CASD1: variants seen among roughly 807,000 people sequenced by gnomAD.
CASD1 encodes CAS1 domain sialic acid O acetyltransferase 1.
CASD1 carries 41 observed loss-of-function variants against 100.0 expected under a neutral mutation model. That is an observed-to-expected ratio of 0.41 (90% CI 0.32 to 0.53). The LOEUF (loss-of-function observed/expected upper bound fraction) is 0.53, where lower values mean the gene tolerates loss of function less well. CASD1 is among the 20% of genes least tolerant of loss of function. CASD1 has a pLI of 0.25. For missense variants in CASD1, 774 were observed against 948.7 expected (o/e 0.82, Z 2.42); for synonymous variants, 321 against 315.6 (o/e 1.02, Z -0.18).
chr7:94,559,276 C>CTGTGTGTG (rs377655712), downstream of CASD1, among the ~76,000 whole-genome samples: 18,236 of 137,336 alleles, frequency 0.13, 1,440 homozygotes, highest in East Asian at 0.33. Context: ...GTATATATGT[C>CTGTGTGTG]TGTGTGTGTG....
At chr7:94,563,134 A>G in the CASD1 span, among the ~76,000 whole-genome samples, 1 of 152,160 alleles carries the variant, frequency 6.6e-6, no homozygotes, top group Admixed American at 6.5e-5. Context: ...ATGTATGACA[A>G]AGTGAGTAGT....
At chr7:94,599,623 A>T in the CASD1 span, 1 of 1,114,202 alleles carries the variant, frequency 9.0e-7, no homozygotes. Flanking sequence ...CTTGACACAC[A>T]TGTATGGAGC....
chr7:94,551,816 A>G (rs906708080), intron 15 of CASD1: 1 of 154,276 alleles, frequency 6.5e-6, no homozygotes. Flanking sequence ...ATAATTTTTT[A>G]AAATTGTTTG....
At chr7:94,588,850 G>A in the CASD1 span, 1 of 1,071,856 alleles carries the variant, frequency 9.3e-7, no homozygotes, top group East Asian at 2.5e-5. Flanking sequence ...ATGTAATCCA[G>A]CACAATTCCC....
At chr7:94,530,548 G>A (rs971224542) in intron 5 of CASD1, among the ~76,000 whole-genome samples, 1 of 152,074 alleles carries the variant, frequency 6.6e-6, no homozygotes, top group African/African-American at 2.4e-5. Context: ...TTGAATTGAG[G>A]GTAGTGGAGA....
At chr7:94,623,811 G>T in the CASD1 span, 1 of 370,518 alleles carries the variant, frequency 2.7e-6, no homozygotes, top group Non-Finnish European at 4.8e-6. Flanking sequence ...TTTAAAACAA[G>T]CATATCTTTG....
At chr7:94,579,911 T>C in the CASD1 span, among the ~76,000 whole-genome samples, 1 of 152,236 alleles carries the variant, frequency 6.6e-6, no homozygotes, top group Non-Finnish European at 1.5e-5. Context: ...TCTCATCCAC[T>C]ATTGTCTATC....
the CASD1 span, among the ~76,000 whole-genome samples, chr7:94,606,104 C>T: frequency 1.3e-5 from 2 of 152,184 alleles, no homozygotes; most frequent in Non-Finnish European, 2.9e-5. Context: ...GCTGGGATTA[C>T]AGGCGTGAGC....
At chr7:94,567,714 G>A in the CASD1 span, among the ~76,000 whole-genome samples, 3 of 152,034 alleles carry the variant, frequency 2.0e-5, no homozygotes, top group Non-Finnish European at 4.4e-5. Context: ...TTATTTCCTT[G>A]TTATGTATGT....
At chr7:94,592,838 A>G in the CASD1 span, among the ~76,000 whole-genome samples, 1 of 152,182 alleles carries the variant, frequency 6.6e-6, no homozygotes, top group Non-Finnish European at 1.5e-5. Flanking sequence ...AAAGCCACAG[A>G]ATCCATGCCA....
At chr7:94,521,662 C>G (rs1327998621) in intron 3 of CASD1, among the ~76,000 whole-genome samples, 2 of 152,118 alleles carry the variant, frequency 1.3e-5, no homozygotes, top group Non-Finnish European at 2.9e-5. Flanking sequence ...TATACACATG[C>G]ATGTACCATA....
chr7:94,518,494 AAAG>A (rs1794086421), intron 3 of CASD1, among the ~76,000 whole-genome samples, 171 bp downstream of exon 3: 1 of 152,164 alleles, frequency 6.6e-6, no homozygotes, highest in African/African-American at 2.4e-5. Flanking sequence ...AAGATGACAA[AAAG>A]AAGTGGTGGC....
the CASD1 span, chr7:94,587,665 A>G: frequency 8.0e-6 from 12 of 1,507,362 alleles, no homozygotes; most frequent in African/African-American, 1.3e-4. Flanking sequence ...TATATTGAAC[A>G]GTCTTGTTGA....
the CASD1 span, among the ~76,000 whole-genome samples, chr7:94,569,340 G>A: frequency 5.1e-4 from 77 of 152,078 alleles, no homozygotes; most frequent in African/African-American, 1.6e-3. Flanking sequence ...TTGATGATGT[G>A]GTAACCATGC....
chr7:94,601,470 A>AAAAAAAAC, the CASD1 span, among the ~76,000 whole-genome samples: 1 of 130,092 alleles, frequency 7.7e-6, no homozygotes, highest in African/African-American at 2.7e-5. Context: ...AAAAAAAAAA[A>AAAAAAAAC]AAAAAACTAC....
At chr7:94,630,377 C>A in the CASD1 span, among the ~76,000 whole-genome samples, 1 of 151,638 alleles carries the variant, frequency 6.6e-6, no homozygotes, top group Non-Finnish European at 1.5e-5. Flanking sequence ...TATAAAAATG[C>A]ATTGGATACT....
chr7:94,580,917 A>G, the CASD1 span, among the ~76,000 whole-genome samples: 1 of 152,220 alleles, frequency 6.6e-6, no homozygotes, highest in Admixed American at 6.5e-5. Flanking sequence ...CATTGTCAAG[A>G]GCCCTCTCCA....
chr7:94,598,743 A>G, the CASD1 span: 1 of 1,402,868 alleles, frequency 7.1e-7, no homozygotes, highest in Non-Finnish European at 1.0e-6. Flanking sequence ...ATACATGCAT[A>G]TTAATAATTA....
At chr7:94,536,797 G>A (rs1015521625) in intron 8 of CASD1, among the ~76,000 whole-genome samples, 1 of 152,136 alleles carries the variant, frequency 6.6e-6, no homozygotes, top group Admixed American at 6.5e-5. Flanking sequence ...TCTTCAACTA[G>A]ACAGACTCAA....
Sources: allele counts gnomAD v4.1 joint callset (sites outside exome capture counted in the v4.1 genomes callset), GRCh38; gene constraint gnomAD v4.1.1; transcripts MANE v1.5; gene names NCBI Gene and HGNC (gene_info 2026-07-23, HGNC 2026-07-21).